Variants in EFCAB13 observed in about 807,000 individuals in gnomAD.
EFCAB13 encodes EF-hand calcium-binding domain-containing protein 13.
A neutral mutation model predicts 110.2 loss-of-function variants in EFCAB13; 91 were observed. The ratio of observed to expected loss-of-function variants is 0.83; its 90% CI spans 0.70 to 0.98. The LOEUF is 0.98. Among genes scored for constraint, EFCAB13 ranks in the 50% least tolerant of loss-of-function variants. The pLI is 0.00. For synonymous variants in EFCAB13, 323 were observed against 369.9 expected, an observed-to-expected ratio of 0.87 and a Z score of 1.45; for missense variants, 968 against 1,119.4, an observed-to-expected ratio of 0.86 and a Z score of 1.93.
At chr17:47,368,128 A>G (rs1407003222) in intron 10 of EFCAB13, among the ~76,000 whole-genome samples, 3 of 152,216 alleles carry the variant, frequency 2.0e-5, no homozygotes, top group African/African-American at 7.2e-5. Flanking sequence ...ACCAAGCACA[A>G]GTACTTTGGT....
At position 47,424,874 on chromosome 17, in the gene EFCAB13, C is replaced by CTTTTTTT. The variant is rs548271723; in HGVS notation, c.2495-4924_2495-4918dup. Among the ~76,000 whole-genome samples, 98 of 36,896 alleles carry CTTTTTTT rather than the reference C, an allele frequency of 2.7e-3. 26 individuals are homozygous for CTTTTTTT. The highest frequency in any genetic ancestry group is 3.6e-3 in the Non-Finnish European group (72 of 19,744). The allele number at this position is 36,896 out of a possible 152,430, so 24.2% of individuals were successfully genotyped here. ...AGGATTTCTTTCTCCGGTTGACAAT[C>CTTTTTTT]TTTTTTTTTTTTTTTTTTTTTTTTT... On this transcript the variant is annotated intron_variant, in intron 23 of 24. Transcript: ENST00000331493.
rs887896389 is a variant in EFCAB13, at chr17:47,326,884, G to T, written c.-86+497G>T. Among the ~76,000 whole-genome samples the T allele has an allele frequency of 3.9e-5, 6 of 152,212 alleles. No homozygotes were observed. In the East Asian group the frequency reaches 1.2e-3, roughly 29 times the overall value. On this transcript the variant is annotated intron_variant, in intron 3 of 24. Coordinates refer to ENST00000331493, the MANE Select transcript of EFCAB13 (RefSeq NM_152347.5). ...TGAAAAATAATGACTATAAACATAT[G>T]TCAGAAATAAATAAAAATGATTTTA...
chr17:47,391,147 C>T (rs1360266432), intron 14 of EFCAB13, among the ~76,000 whole-genome samples: 1 of 152,036 alleles, frequency 6.6e-6, no homozygotes, highest in Non-Finnish European at 1.5e-5. Context: ...TGCTTTGTTG[C>T]CCAAGCTGCT....
chr17:47,325,211 T>G (rs2065274907), intron 2 of EFCAB13, among the ~76,000 whole-genome samples: 1 of 150,612 alleles, frequency 6.6e-6, no homozygotes, highest in Admixed American at 6.6e-5. Flanking sequence ...AGGTGGGAGT[T>G]TCACTGTTGC....
chr17:47,335,247 G>T lies in EFCAB13; in HGVS notation c.82G>T (p.Asp28Tyr). The T allele has an allele frequency of 6.2e-7, 1 of 1,610,914 alleles. No individual in the cohort carries two copies. The highest frequency in any genetic ancestry group is 1.1e-5 in the South Asian group (1 of 89,894). Residue 28 changes from aspartate to tyrosine, a missense_variant, in exon 5 of 25, where the codon GAC (aspartate) becomes TAC (tyrosine). Asp to Tyr is a radical substitution (Grantham distance 160). Transcript: ENST00000331493. ...LDDGSNSFAT[D>Y]LSSGTINHKK... ...TGATGGCTCTAATTCTTTTGCAACT[G>T]ACTTGTCATCAGGAACTATTAACCA...
At chr17:47,411,950 C>A (rs1261890444) in intron 21 of EFCAB13, among the ~76,000 whole-genome samples, 1 of 152,094 alleles carries the variant, frequency 6.6e-6, no homozygotes, top group Non-Finnish European at 1.5e-5. Flanking sequence ...AAAAAATTAG[C>A]CATGTATGGT....
intron 18 of EFCAB13, among the ~76,000 whole-genome samples, chr17:47,403,449 A>G (rs1490255295): frequency 1.3e-5 from 2 of 152,218 alleles, no homozygotes; most frequent in Non-Finnish European, 2.9e-5. Context: ...CATTCCAGAC[A>G]CTAGGGTACA....
At chr17:47,325,477 C>A (rs999223032) in intron 2 of EFCAB13, among the ~76,000 whole-genome samples, 1 of 152,140 alleles carries the variant, frequency 6.6e-6, no homozygotes, top group African/African-American at 2.4e-5. Context: ...GCTTGTCACT[C>A]CTTCAGAGTA....
chr17:47,394,235 C>G, intron 16 of EFCAB13, 136 bp downstream of exon 16: 1 of 517,670 alleles, frequency 1.9e-6, no homozygotes, highest in Non-Finnish European at 3.4e-6. Context: ...TGCCTGGCTT[C>G]CTGCTGCTAT....
intron 14 of EFCAB13, among the ~76,000 whole-genome samples, chr17:47,382,293 C>A (rs1322994638): frequency 6.6e-6 from 1 of 152,172 alleles, no homozygotes. Context: ...ACAATCATGT[C>A]ATCTGCAAAC....
intron 7 of EFCAB13, 38 bp from the exon 8 acceptor site, chr17:47,344,978 T>C: frequency 6.7e-7 from 1 of 1,498,918 alleles, no homozygotes; most frequent in Non-Finnish European, 9.2e-7. Flanking sequence ...TTTGCATATT[T>C]TCATTGCCAC....
At chr17:47,422,463 ATAAT>A (rs1452632237) in intron 23 of EFCAB13, among the ~76,000 whole-genome samples, 6 of 152,204 alleles carry the variant, frequency 3.9e-5, no homozygotes, top group Admixed American at 6.5e-5. Flanking sequence ...CATTGCCAAT[ATAAT>A]TAATAGGTAG....
At chr17:47,353,918 G>A (rs572146339) in intron 9 of EFCAB13, among the ~76,000 whole-genome samples, 1 of 152,032 alleles carries the variant, frequency 6.6e-6, no homozygotes, top group African/African-American at 2.4e-5. Flanking sequence ...CTTCTGCTGG[G>A]TTTGGGTTTG....
chr17:47,362,552 AG>A (rs1244411407), intron 10 of EFCAB13, among the ~76,000 whole-genome samples: 2 of 152,108 alleles, frequency 1.3e-5, no homozygotes, highest in Non-Finnish European at 2.9e-5. Flanking sequence ...CCTCTTGTGG[AG>A]GGCCTGACGG....
rs2065791718 is a variant in EFCAB13 at position 47,403,949 on chromosome 17, T to G, written c.2089T>G (p.Phe697Val). The G allele has an allele frequency of 6.2e-7, 1 of 1,612,040 alleles. No homozygotes were observed. Among genetic ancestry groups the G allele is most frequent in the Non-Finnish European group, 8.5e-7 (1 of 1,178,862 alleles). The change falls in exon 19 of 25, where the codon TTT (phenylalanine) becomes GTT (valine). Residue 697 changes from phenylalanine to valine, a missense_variant. Transcript: ENST00000331493. ...DMIAGKNLED[F>V]LRNVGIKSPK... Reference sequence around the variant, plus strand: ...GATAGCTGGGAAGAACTTGGAAGACTTTCTAAGAAATGTTGGGATTAAGTC... The same window carrying G: ...GATAGCTGGGAAGAACTTGGAAGACGTTCTAAGAAATGTTGGGATTAAGTC...
chr17:47,379,368 CT>C, intron 14 of EFCAB13, 115 bp downstream of exon 14: 1 of 719,740 alleles, frequency 1.4e-6, no homozygotes, highest in Non-Finnish European at 2.3e-6. Flanking sequence ...TCCTGTGACT[CT>C]TAGGCAAGTC....
In EFCAB13 at chr17:47,382,372, G is replaced by A. The variant is rs115852337; in HGVS notation, c.1582+3119G>A. Among the ~76,000 whole-genome samples, 546 of 152,252 alleles carry A rather than the reference G, an allele frequency of 3.6e-3. 1 individual carries two copies. Among genetic ancestry groups the A allele is most frequent in the African/African-American group, 0.012 (503 of 41,512 alleles). On this transcript the variant is annotated intron_variant, in intron 14 of 24. Coordinates refer to ENST00000331493, the MANE Select transcript of EFCAB13 (RefSeq NM_152347.5). ...TTTCTTTCTCTTGCCTGATTGCTGT[G>A]GGGAGAACTTCCAATACTATGTTGA... is the stretch of plus-strand genomic sequence containing the variant.
intron 3 of EFCAB13, chr17:47,328,065 G>A (rs2065297509): frequency 2.1e-6 from 1 of 469,628 alleles, no homozygotes; most frequent in African/African-American, 2.0e-5. Flanking sequence ...ACCACAAAAG[G>A]TAAAGTTAAG....
At chr17:47,414,796 C>A in intron 22 of EFCAB13, 52 bp from the exon 23 acceptor site, 1 of 1,191,082 alleles carries the variant, frequency 8.4e-7, no homozygotes, top group Non-Finnish European at 1.2e-6. Context: ...ATTTCATGTG[C>A]CAATTCAGTA....
Sources: gnomAD v4.1 joint callset for allele counts (sites outside exome capture counted in the v4.1 genomes callset) on GRCh38, gnomAD v4.1.1 for gene constraint, MANE v1.5 for transcripts, NCBI Gene and HGNC (gene_info 2026-07-23, HGNC 2026-07-21) for gene names.